CXADR: variants seen among roughly 807,000 people sequenced by gnomAD.
CXADR encodes the protein coxsackievirus and adenovirus receptor.
Under a neutral mutation model 40.3 loss-of-function variants are expected in CXADR, and 20 were observed. The ratio of observed to expected loss-of-function variants is 0.50; its 90% CI spans 0.35 to 0.72. The LOEUF (loss-of-function observed/expected upper bound fraction) is 0.72. Ranked by LOEUF, CXADR falls within the 30% of genes least tolerant of loss-of-function variation. CXADR has a pLI of 0.01. For synonymous variants in CXADR, 150 were observed against 161.3 expected, an observed-to-expected ratio of 0.93 and a Z score of 0.53; for missense variants, 332 against 449.1, an observed-to-expected ratio of 0.74 and a Z score of 2.36.
downstream of CXADR, chr21:17,598,523 A>T (rs532173521): frequency 7.9e-4 from 836 of 1,053,320 alleles, 5 homozygotes; most frequent in South Asian, 0.013. Flanking sequence ...CAGAATCTCA[A>T]GTCAGAAACC....
chr21:17,604,955 G>C, the CXADR span: 1 of 1,613,988 alleles, frequency 6.2e-7, no homozygotes, highest in African/African-American at 1.3e-5. Context: ...AGGCTTTCAG[G>C]ACATCAGGAT....
the CXADR span, among the ~76,000 whole-genome samples, chr21:17,614,872 A>T: frequency 6.6e-6 from 1 of 152,180 alleles, no homozygotes; most frequent in Non-Finnish European, 1.5e-5. Context: ...TCTCTTTCAA[A>T]ACTTGCCCTA....
At chr21:17,628,240 A>G in the CXADR span, among the ~76,000 whole-genome samples, 40 of 152,326 alleles carry the variant, frequency 2.6e-4, no homozygotes, top group Admixed American at 1.4e-3. Flanking sequence ...AACCAATAAG[A>G]TGTGTATAAA....
intron 1 of CXADR, among the ~76,000 whole-genome samples, chr21:17,522,486 G>A (rs764907362): frequency 2.6e-5 from 4 of 152,106 alleles, no homozygotes; most frequent in Non-Finnish European, 5.9e-5. Flanking sequence ...GGAAAAAATA[G>A]CCTGCATGTA....
intron 1 of CXADR, among the ~76,000 whole-genome samples, chr21:17,538,940 G>A (rs561455854): frequency 6.6e-6 from 1 of 152,214 alleles, no homozygotes; most frequent in Non-Finnish European, 1.5e-5. Flanking sequence ...CAGGCCACGT[G>A]AAAGATAATA....
At chr21:17,610,982 G>C in the CXADR span, among the ~76,000 whole-genome samples, 4 of 152,152 alleles carry the variant, frequency 2.6e-5, no homozygotes, top group South Asian at 6.2e-4. Context: ...TGGAGGGGAA[G>C]GCACACAAAT....
chr21:17,633,932 G>T, the CXADR span, among the ~76,000 whole-genome samples: 3 of 152,130 alleles, frequency 2.0e-5, no homozygotes, highest in African/African-American at 7.2e-5. Flanking sequence ...TTGTATGCCT[G>T]TTCTCCCATT....
At chr21:17,604,642 AC>A in the CXADR span, among the ~76,000 whole-genome samples, 1 of 151,782 alleles carries the variant, frequency 6.6e-6, no homozygotes, top group Admixed American at 6.6e-5. Flanking sequence ...CTACTAGAAA[AC>A]CCCCGCCTAA....
Position 17,551,792 on chromosome 21 carries a change from C to T in CXADR, c.254C>T (p.Pro85Leu). ...GACAAAATTTATGATGACTACTATC[C>T]AGATCTGAAAGGCCGAGTACATTTT... ...SGDKIYDDYYPDLKGRVHFTS... is the reference protein window; with the variant it reads ...SGDKIYDDYYLDLKGRVHFTS... The change falls in exon 3 of 7, where the codon CCA (proline) becomes CTA (leucine). Residue 85 changes from proline to leucine, a missense_variant. This residue lies in a region of CXADR where 162 missense variants were observed against 198.5 expected (regional missense o/e 0.82). Coordinates refer to ENST00000284878, the MANE Select transcript of CXADR (RefSeq NM_001338.5). 1 of 1,613,576 alleles carries T rather than the reference C, an allele frequency of 6.2e-7. No individual in the cohort carries two copies. The highest frequency in any genetic ancestry group is 2.2e-5 in the East Asian group (1 of 44,844).
chr21:17,585,147 A>T (rs913462107), intron 7 of CXADR, among the ~76,000 whole-genome samples: 1 of 152,172 alleles, frequency 6.6e-6, no homozygotes, highest in African/African-American at 2.4e-5. Context: ...TCTGAGATTA[A>T]CTTGGCTGTT....
chr21:17,624,668 C>T, the CXADR span, among the ~76,000 whole-genome samples: 7 of 152,120 alleles, frequency 4.6e-5, no homozygotes, highest in Non-Finnish European at 1.0e-4. Flanking sequence ...ATGCCATTTC[C>T]GTCTGCAATT....
chr21:17,604,058 G>T, the CXADR span: 1 of 1,130,072 alleles, frequency 8.8e-7, no homozygotes, highest in Non-Finnish European at 1.1e-6. Flanking sequence ...ACCTAGCACT[G>T]ATCTTTCACA....
At chr21:17,630,982 A>G in the CXADR span, among the ~76,000 whole-genome samples, 1 of 152,172 alleles carries the variant, frequency 6.6e-6, no homozygotes, top group Non-Finnish European at 1.5e-5. Flanking sequence ...GAGATGACGC[A>G]GAGAGAGATA....
chr21:17,552,698 C>G (rs888963867), intron 3 of CXADR, among the ~76,000 whole-genome samples: 1 of 152,166 alleles, frequency 6.6e-6, no homozygotes. Context: ...CTGTCTAGCT[C>G]TCTGCTTAAT....
At chr21:17,594,248 GATGGCC>G (rs750033952), downstream of CXADR, 13 of 1,613,342 alleles carry the variant, frequency 8.1e-6, no homozygotes, top group Middle Eastern at 1.7e-4. Context: ...TAGTGATTCT[GATGGCC>G]ATTCCCTCGA....
At chr21:17,588,202 G>A (rs1047658492) in intron 7 of CXADR, among the ~76,000 whole-genome samples, 11 of 152,172 alleles carry the variant, frequency 7.2e-5, no homozygotes, top group Non-Finnish European at 1.0e-4. Context: ...GCTTAGGATT[G>A]AGTTGGCAAT....
At chr21:17,631,644 T>C in the CXADR span, among the ~76,000 whole-genome samples, 24 of 152,190 alleles carry the variant, frequency 1.6e-4, no homozygotes, top group Admixed American at 1.6e-3. Flanking sequence ...TTCGTTCTCT[T>C]AGAGACCTGG....
chr21:17,627,884 G>A, the CXADR span, among the ~76,000 whole-genome samples: 1 of 152,164 alleles, frequency 6.6e-6, no homozygotes, highest in Non-Finnish European at 1.5e-5. Flanking sequence ...TAAAGTTTGG[G>A]TCAATACAAT....
chr21:17,564,294 A>T (rs1481347343), intron 6 of CXADR, among the ~76,000 whole-genome samples: 1 of 150,798 alleles, frequency 6.6e-6, no homozygotes, highest in Non-Finnish European at 1.5e-5. Flanking sequence ...GGAGTTCAAG[A>T]CACCAACCTG....
Sources: allele counts gnomAD v4.1 joint callset (sites outside exome capture counted in the v4.1 genomes callset), GRCh38; gene constraint gnomAD v4.1.1; regional missense constraint gnomAD v4.1.1; transcripts MANE v1.5; gene names NCBI Gene and HGNC (gene_info 2026-07-23, HGNC 2026-07-21).